Variants in MDH2 observed in about 807,000 individuals in gnomAD.
MDH2 encodes the protein malate dehydrogenase, mitochondrial.
In MDH2, 25 loss-of-function variants were observed where a neutral mutation model predicts 33.6. The observed-to-expected ratio is 0.74, with a 90% confidence interval of 0.54 to 1.04. The LOEUF is 1.04. Ranked by LOEUF, MDH2 falls within the 50% of genes least tolerant of loss-of-function variation. The pLI is 0.00. For missense variants in MDH2, 432 were observed against 445.0 expected (o/e 0.97, Z 0.26); for synonymous variants, 193 against 188.7 (o/e 1.02, Z -0.19).
intron 1 of MDH2, among the ~76,000 whole-genome samples, chr7:76,053,807 A>G (rs1283241312): frequency 6.6e-6 from 1 of 152,138 alleles, no homozygotes; most frequent in Non-Finnish European, 1.5e-5. Flanking sequence ...GATCAGAAAC[A>G]AGCTCCCTGG....
chr7:76,059,855 G>A (rs782173774), intron 4 of MDH2, among the ~76,000 whole-genome samples: 3 of 152,204 alleles, frequency 2.0e-5, no homozygotes, highest in Admixed American at 1.3e-4. Context: ...CCCGGGTGAC[G>A]TGTTCAGCAC....
chr7:76,065,194 C>T, intron 8 of MDH2: 1 of 461,516 alleles, frequency 2.2e-6, no homozygotes, highest in Non-Finnish European at 3.9e-6. Flanking sequence ...GGGTGCCCAG[C>T]AGCTGCAGGA....
At chr7:76,056,407 C>T (rs1797786900) in intron 2 of MDH2, among the ~76,000 whole-genome samples, 1 of 152,112 alleles carries the variant, frequency 6.6e-6, no homozygotes, top group African/African-American at 2.4e-5. Flanking sequence ...GATACCGTGT[C>T]TGATGGTGTT....
At chr7:76,058,218 G>C (rs1797844653) in intron 4 of MDH2, 140 bp downstream of exon 4, 1 of 749,304 alleles carries the variant, frequency 1.3e-6, no homozygotes, top group East Asian at 2.7e-5. Flanking sequence ...GGCTGAAATG[G>C]AGAGGTCGGG....
At chr7:76,054,380 T>C (rs1797709912) in intron 1 of MDH2, 1 of 187,594 alleles carries the variant, frequency 5.3e-6, no homozygotes, top group African/African-American at 2.4e-5. Context: ...AAGGGGCTTC[T>C]GTGACAGTGT....
At chr7:76,048,276 C>T (rs1797390411) in intron 1 of MDH2, 50 bp downstream of exon 1, 1 of 1,515,258 alleles carries the variant, frequency 6.6e-7, no homozygotes, top group African/African-American at 1.4e-5. Context: ...CGGCCCGGGC[C>T]ACGTGCGTCC....
intron 8 of MDH2, 69 bp from the exon 9 acceptor site, chr7:76,066,210 A>G (rs898909970): frequency 1.0e-5 from 16 of 1,565,270 alleles, no homozygotes; most frequent in African/African-American, 1.4e-5. Context: ...TGATGGAGCG[A>G]CAGGTCGGGG....
intron 5 of MDH2, among the ~76,000 whole-genome samples, chr7:76,062,820 A>G (rs1315139625): frequency 6.6e-6 from 1 of 152,160 alleles, no homozygotes; most frequent in Non-Finnish European, 1.5e-5. Context: ...TGGGAGGATC[A>G]TTGAGTCCAG....
rs61744459 is a variant in MDH2 at position 76,058,048 on chromosome 7, G to T, written c.399G>T (p.Pro133=). 407 of 1,613,658 alleles carry T rather than the reference G, an allele frequency of 2.5e-4. 2 individuals carry two copies. The African/African-American group carries it at 3.6e-3, about 14-fold the overall frequency. ...TLTAACAQHC[P]EAMICVIANP... ...CCGCTGCCTGTGCCCAGCACTGCCCGGAAGCCATGATCTGCGTCATTGCCA... is the reference window on the plus strand; with the variant it reads ...CCGCTGCCTGTGCCCAGCACTGCCCTGAAGCCATGATCTGCGTCATTGCCA... Residue 133 remains proline, a synonymous_variant, in exon 4 of 9, where the codon CCG becomes CCT. Coordinates refer to ENST00000315758, the MANE Select transcript of MDH2 (RefSeq NM_005918.4).
In MDH2 at chr7:76,066,690, G is replaced by A; in HGVS notation, c.*280G>A. The A allele has an allele frequency of 3.7e-6, 1 of 270,406 alleles. No homozygotes were observed. The highest frequency in any genetic ancestry group is 8.3e-5 in the South Asian group (1 of 12,026). The allele number at this position is 270,406 out of a possible 1,614,324, so 16.8% of individuals were successfully genotyped here. The stretch of plus-strand genomic sequence containing the variant: ...TCATTACCAATCAGAATTAGATGAT[G>A]TTTAACTGTTAGACTGAAGCGTGAC... On this transcript the variant is annotated 3_prime_UTR_variant, in exon 9 of 9. Transcript: ENST00000315758.
At chr7:76,057,886 G>GT (rs1563548616) in intron 3 of MDH2, 83 bp from the exon 4 acceptor site, 1 of 1,344,130 alleles carries the variant, frequency 7.4e-7, no homozygotes, top group Non-Finnish European at 1.0e-6. Flanking sequence ...TAAATTTCCT[G>GT]TAACAGCTGG....
At chr7:76,055,557 G>A (rs1179825917) in intron 2 of MDH2, among the ~76,000 whole-genome samples, 1 of 151,492 alleles carries the variant, frequency 6.6e-6, no homozygotes, top group Admixed American at 6.6e-5. Flanking sequence ...GCAACATGGC[G>A]AGACCCCTAT....
At chr7:76,063,187 G>GA (rs1797998847) in intron 5 of MDH2, among the ~76,000 whole-genome samples, 1 of 152,194 alleles carries the variant, frequency 6.6e-6, no homozygotes, top group African/African-American at 2.4e-5. Context: ...GAGGATGCCA[G>GA]GCCCGGGGGG....
Position 76,064,742 on chromosome 7 carries a change from G to A in MDH2, c.734-60G>A, listed in dbSNP as rs1196359188. ...TGCAGGTGTCTTGGCTGGCGGGGCC[G>A]GCTCACCTGGGCGTCACGTTTGTGG... On this transcript the variant is annotated intron_variant, in intron 7 of 8. Coordinates refer to ENST00000315758, the MANE Select transcript of MDH2 (RefSeq NM_005918.4). 1.9e-5 allele frequency: 29 copies of A among 1,526,996 alleles called. 1 individual carries two copies. The highest frequency in any genetic ancestry group is 1.2e-4 in the African/African-American group (9 of 72,582). 94.6% of individuals were successfully genotyped at this position (1,526,996 alleles called of 1,614,324 possible).
intron 1 of MDH2, chr7:76,054,522 T>G: frequency 2.7e-6 from 1 of 366,802 alleles, no homozygotes; most frequent in Non-Finnish European, 5.0e-6. Context: ...AGCTGCAGGT[T>G]GAAGGGAAGG....
At chr7:76,048,782 C>G (rs1386649031) in intron 1 of MDH2, 1 of 1,225,900 alleles carries the variant, frequency 8.2e-7, no homozygotes, top group Non-Finnish European at 1.0e-6. Flanking sequence ...TGGAGGATCT[C>G]TCCTGCTGTG....
rs781806027 is a variant in MDH2 at position 76,064,374 on chromosome 7, G to A, written c.669G>A (p.Leu223=). 5.0e-6 allele frequency: 8 copies of A among 1,613,600 alleles called. No individual in the cohort carries two copies. Among genetic ancestry groups the A allele is most frequent in the South Asian group, 1.1e-5 (1 of 90,922 alleles). The stretch of plus-strand genomic sequence containing the variant: ...AGGTGGACTTTCCCCAGGACCAGCT[G>A]ACAGCACTCACTGGGCGGATCCAGG... ...TPKVDFPQDQ[L]TALTGRIQEA... is the part of the protein sequence containing the mutation. Residue 223 remains leucine (L), a synonymous_variant, in exon 7 of 9, where the codon CTG becomes CTA. Transcript: ENST00000315758.
intron 1 of MDH2, among the ~76,000 whole-genome samples, chr7:76,053,304 G>C (rs1202621260): frequency 1.3e-5 from 2 of 152,160 alleles, no homozygotes; most frequent in African/African-American, 2.4e-5. Flanking sequence ...ACGCCTAACA[G>C]AACTGGGAAT....
At position 76,064,452 on chromosome 7, in the gene MDH2, C is replaced by G; in HGVS notation, c.733+14C>G. 6.2e-7 allele frequency: 1 copy of G among 1,605,314 alleles called. No homozygotes were observed. The highest frequency in any genetic ancestry group is 8.5e-7 in the Non-Finnish European group (1 of 1,175,484). On this transcript the variant is annotated intron_variant, in intron 7 of 8. Transcript: ENST00000315758. Reference sequence around the variant, plus strand: ...AAGCCGGAGCAGGTAGAGTCTCAGGCAGCCCCGGGGCTGGGTGCCAGTGAG... The same window carrying G: ...AAGCCGGAGCAGGTAGAGTCTCAGGGAGCCCCGGGGCTGGGTGCCAGTGAG...
Sources: gnomAD v4.1 joint callset for allele counts (sites outside exome capture counted in the v4.1 genomes callset) on GRCh38, gnomAD v4.1.1 for gene constraint, MANE v1.5 for transcripts, NCBI Gene and HGNC (gene_info 2026-07-23, HGNC 2026-07-21) for gene names.